UGT2A1: variants seen among roughly 807,000 people sequenced by gnomAD.
UGT2A1 encodes UDP-glucuronosyltransferase 2A1.
Under a neutral mutation model 45.4 loss-of-function variants are expected in UGT2A1, and 61 were observed. That is an observed-to-expected ratio of 1.34 (90% CI 1.09 to 1.66). The LOEUF (loss-of-function observed/expected upper bound fraction) is 1.66. Ranked by LOEUF, UGT2A1 falls within the 40% of genes most tolerant of loss-of-function variation. UGT2A1 has a pLI of 0.00. For synonymous variants in UGT2A1, 229 were observed against 196.2 expected (o/e 1.17, Z -1.40); for missense variants, 649 against 574.3 (o/e 1.13, Z -1.33).
intron 2 of UGT2A1, among the ~76,000 whole-genome samples, chr4:69,646,619 T>C (rs1722270959): frequency 6.6e-6 from 1 of 151,820 alleles, no homozygotes; most frequent in East Asian, 1.9e-4. Flanking sequence ...CTGCAGTTTC[T>C]AGGCAATTTC....
At position 69,588,426 on chromosome 4, in the gene UGT2A1, A is replaced by C. The variant is rs1718376208; in HGVS notation, c.*946T>G. The C allele has an allele frequency of 6.6e-6, 1 of 152,140 alleles. No homozygotes were observed. The highest frequency in any genetic ancestry group is 2.4e-5 in the African/African-American group (1 of 41,464). 9.4% of individuals were successfully genotyped at this position (152,140 alleles called of 1,614,324 possible). A position where few individuals can be genotyped will look rare whatever the true frequency, so the allele number is the denominator to read the frequency against. On this transcript the variant is annotated 3_prime_UTR_variant, in exon 7 of 7. Transcript: ENST00000286604. ...AAATAATGCAATGATATCAAATTCC[A>C]AGTAAGCATTTTTTATTTTTTGGCA...
intron 2 of UGT2A1, among the ~76,000 whole-genome samples, chr4:69,644,688 T>C (rs192271538): frequency 1.3e-5 from 2 of 151,384 alleles, no homozygotes; most frequent in Admixed American, 6.6e-5. Context: ...ACAGAATAGC[T>C]AGCTCTTCTT....
intron 3 of UGT2A1, among the ~76,000 whole-genome samples, chr4:69,613,978 G>A (rs972775725): frequency 1.3e-5 from 2 of 151,956 alleles, no homozygotes; most frequent in Admixed American, 6.6e-5. Flanking sequence ...CCTAGCCAGA[G>A]CAATTAGACG....
chr4:69,599,310 G>A lies in UGT2A1; in HGVS notation c.932C>T (p.Pro311Leu). Reference sequence around the variant, plus strand: ...AACAAACTCAAAATTAGGTAAGTATGGACGAGGAAATTCAAAATCCCAATA... The same window carrying A: ...AACAAACTCAAAATTAGGTAAGTATAGACGAGGAAATTCAAAATCCCAATA... The part of the protein sequence containing the change: ...RTYWDFEFPR[P>L]YLPNFEFVGG... The change falls in exon 4 of 7, where the codon CCA (proline) becomes CTA (leucine). Residue 311 changes from proline (P) to leucine (L), a missense_variant. Coordinates refer to ENST00000286604, the MANE Select transcript of UGT2A1 (RefSeq NM_001252275.3). 6.2e-7 allele frequency: 1 copy of A among 1,613,816 alleles called. No individual in the cohort carries two copies. Among genetic ancestry groups the A allele is most frequent in the Admixed American group, 1.7e-5 (1 of 59,936 alleles).
At chr4:69,592,269 C>T (rs1177903254) in intron 6 of UGT2A1, among the ~76,000 whole-genome samples, 1 of 152,094 alleles carries the variant, frequency 6.6e-6, no homozygotes, top group Non-Finnish European at 1.5e-5. Flanking sequence ...TTGGACTCTA[C>T]ATGAAAACAA....
Position 69,588,702 on chromosome 4 carries a change from A to C in UGT2A1, c.*670T>G, listed in dbSNP as rs1718397177. The C allele has an allele frequency of 6.6e-6, 1 of 152,040 alleles. No homozygotes were observed. Among genetic ancestry groups the C allele is most frequent in the African/African-American group, 2.4e-5 (1 of 41,424 alleles). The allele number at this position is 152,040 out of a possible 1,614,324, so 9.4% of individuals were successfully genotyped here. ...ATTGATTTATTAAAGACAGTACCCA[A>C]ATCTTCCACTACAGGTTATATAAGA... On this transcript the variant is annotated 3_prime_UTR_variant, in exon 7 of 7. Transcript: ENST00000286604.
chr4:69,596,494 CTGT>C, intron 4 of UGT2A1: 1 of 1,315,950 alleles, frequency 7.6e-7, no homozygotes, highest in South Asian at 2.2e-5. Flanking sequence ...AACTGTTGAA[CTGT>C]CTGTCTTCTG....
intron 3 of UGT2A1, among the ~76,000 whole-genome samples, chr4:69,604,955 C>T (rs1363835655): frequency 7.3e-6 from 1 of 136,262 alleles, no homozygotes; most frequent in African/African-American, 3.0e-5. Flanking sequence ...GACTTAGACT[C>T]CCACACAATA....
chr4:69,616,625 T>C (rs1234266476), intron 3 of UGT2A1, among the ~76,000 whole-genome samples: 3 of 152,066 alleles, frequency 2.0e-5, no homozygotes, highest in Middle Eastern at 6.8e-3. Flanking sequence ...AGCCACTGGC[T>C]TACCCATTCA....
chr4:69,618,201 G>GTGTGTGTGTATGTT (rs1553905679), intron 3 of UGT2A1, among the ~76,000 whole-genome samples: 4 of 88,528 alleles, frequency 4.5e-5, no homozygotes, highest in African/African-American at 1.7e-4. Context: ...GTGTGTGTGT[G>GTGTGTGTGTATGTT]TGTGTGTGTG....
rs142830903 is a variant in UGT2A1, at chr4:69,645,072, C to T, written c.715+1858G>A. On this transcript the variant is annotated intron_variant, in intron 2 of 6. Transcript: ENST00000286604. ...TTTAATAGCATTTAGGATGTTCATTCATTAGCTAGTAAACATCTCTAGGCC... is the reference window on the plus strand; with the variant it reads ...TTTAATAGCATTTAGGATGTTCATTTATTAGCTAGTAAACATCTCTAGGCC... Among the ~76,000 whole-genome samples the T allele has an allele frequency of 5.3e-5, 8 of 151,818 alleles. No individual in the cohort carries two copies. In the East Asian group the frequency reaches 1.4e-3, roughly 26 times the overall value.
intron 2 of UGT2A1, among the ~76,000 whole-genome samples, chr4:69,646,329 T>A (rs1250213597): frequency 6.6e-6 from 1 of 151,868 alleles, no homozygotes; most frequent in Non-Finnish European, 1.5e-5. Context: ...CTAGTACCAT[T>A]GATTATATTG....
At chr4:69,622,541 A>T (rs936455044) in intron 3 of UGT2A1, among the ~76,000 whole-genome samples, 22 of 151,762 alleles carry the variant, frequency 1.4e-4, no homozygotes, top group African/African-American at 5.3e-4. Context: ...TATATAATAG[A>T]CTCAGGGAAT....
intron 4 of UGT2A1, among the ~76,000 whole-genome samples, chr4:69,596,866 C>G (rs1397874029): frequency 6.6e-6 from 1 of 152,166 alleles, no homozygotes; most frequent in African/African-American, 2.4e-5. Context: ...AAATGTATAA[C>G]TTAAATATAT....
chr4:69,625,146 TGAG>T (rs1720971134), intron 3 of UGT2A1, among the ~76,000 whole-genome samples: 1 of 146,250 alleles, frequency 6.8e-6, no homozygotes, highest in Admixed American at 6.8e-5. Context: ...TTGCTTTCAA[TGAG>T]AAGTCTGTTT....
At chr4:69,602,876 G>C (rs1177620667) in intron 3 of UGT2A1, among the ~76,000 whole-genome samples, 2 of 134,780 alleles carry the variant, frequency 1.5e-5, no homozygotes, top group Admixed American at 7.4e-5. Context: ...GACCAGTGTG[G>C]CCAAGATGGT....
intron 3 of UGT2A1, among the ~76,000 whole-genome samples, chr4:69,608,443 A>G (rs1044687295): frequency 4.0e-5 from 6 of 151,428 alleles, no homozygotes; most frequent in Admixed American, 6.6e-5. Flanking sequence ...GGGGGGAAGG[A>G]TAGCGTTGGG....
At chr4:69,592,769 G>T (rs914171172) in intron 6 of UGT2A1, among the ~76,000 whole-genome samples, 2 of 151,130 alleles carry the variant, frequency 1.3e-5, no homozygotes, top group Non-Finnish European at 3.0e-5. Flanking sequence ...CAGAAGTAAA[G>T]ATAAAAAATG....
In UGT2A1 at chr4:69,649,047, G is replaced by T. The variant is rs189989234; in HGVS notation, c.-54-1349C>A. 1.9e-4 allele frequency among the ~76,000 whole-genome samples: 29 copies of T among 152,066 alleles called. 1 individual carries two copies. In the East Asian group the frequency reaches 5.6e-3, roughly 29 times the overall value. On this transcript the variant is annotated intron_variant, in intron 1 of 6. Coordinates refer to ENST00000286604, the MANE Select transcript of UGT2A1 (RefSeq NM_001252275.3). ...TCGGATCAAGTAATTCAAGTAAAGCGATCTCTGTGAAAATATTATGTTTGT... is the reference window on the plus strand; with the variant it reads ...TCGGATCAAGTAATTCAAGTAAAGCTATCTCTGTGAAAATATTATGTTTGT...
Sources: gnomAD v4.1 joint callset for allele counts (sites outside exome capture counted in the v4.1 genomes callset) on GRCh38, gnomAD v4.1.1 for gene constraint, MANE v1.5 for transcripts, NCBI Gene and HGNC (gene_info 2026-07-23, HGNC 2026-07-21) for gene names.